BTLA: variants seen among roughly 807,000 people sequenced by gnomAD.
BTLA encodes the protein B and T lymphocyte associated.
Under a neutral mutation model 25.0 loss-of-function variants are expected in BTLA, and 11 were observed. That is an observed-to-expected ratio of 0.44 (90% CI 0.28 to 0.73). BTLA has a LOEUF of 0.73. BTLA is among the 30% of genes least tolerant of loss of function. The probability of loss-of-function intolerance (pLI) is 0.15; values close to 1 mark genes in which losing one functional copy is unlikely to be tolerated. For synonymous variants in BTLA, 104 were observed against 119.8 expected (o/e 0.87, Z 0.86); for missense variants, 282 against 332.8 (o/e 0.85, Z 1.19).
At chr3:112,499,513 G>A (rs2082430680), upstream of BTLA, 2 of 570,908 alleles carry the variant, frequency 3.5e-6, no homozygotes, top group Non-Finnish European at 6.1e-6. Flanking sequence ...TAAGAGAGGA[G>A]AGTAGGAAGA....
intron 2 of BTLA, among the ~76,000 whole-genome samples, chr3:112,474,193 T>C (rs987462334): frequency 6.6e-6 from 1 of 152,174 alleles, no homozygotes; most frequent in African/African-American, 2.4e-5. Flanking sequence ...ATGTCCAAAA[T>C]CACTTCGGAA....
rs144006866 is a variant in BTLA, at chr3:112,467,320, A to G, written c.595-937T>C. Among the ~76,000 whole-genome samples the G allele has an allele frequency of 4.6e-5, 7 of 152,316 alleles. No individual in the cohort carries two copies. In the East Asian group the frequency reaches 1.3e-3, roughly 29 times the overall value. On this transcript the variant is annotated intron_variant, in intron 4 of 4. Transcript: ENST00000334529. ...CTTAGAGCTTCTAAGAAAGAGGTGA[A>G]TTTGTAAAAACAAAAAGTAAAATTA...
At chr3:112,471,083 GA>G in intron 3 of BTLA, 128 bp downstream of exon 3, 1 of 1,236,082 alleles carries the variant, frequency 8.1e-7, no homozygotes, top group Non-Finnish European at 1.1e-6. Context: ...TGTCTTCTAG[GA>G]AATCATTATC....
intron 1 of BTLA, among the ~76,000 whole-genome samples, chr3:112,481,243 G>A (rs1240919509): frequency 6.6e-6 from 1 of 152,192 alleles, no homozygotes; most frequent in Non-Finnish European, 1.5e-5. Context: ...GGGTCTCAGT[G>A]GCAGTCCACT....
At chr3:112,496,556 A>G (rs1368138210) in intron 1 of BTLA, among the ~76,000 whole-genome samples, 1 of 152,222 alleles carries the variant, frequency 6.6e-6, no homozygotes, top group Non-Finnish European at 1.5e-5. Flanking sequence ...TACTGTAAAG[A>G]ACTCAGCAAT....
At chr3:112,479,201 AT>A (rs763983243) in intron 2 of BTLA, among the ~76,000 whole-genome samples, 24 of 152,304 alleles carry the variant, frequency 1.6e-4, no homozygotes, top group Admixed American at 1.2e-3. Context: ...TATCAAATAA[AT>A]TTTATAATCC....
intron 1 of BTLA, among the ~76,000 whole-genome samples, chr3:112,492,463 G>A (rs1359654682): frequency 6.6e-6 from 1 of 152,216 alleles, no homozygotes; most frequent in Non-Finnish European, 1.5e-5. Context: ...CATTTGATCA[G>A]AAACCAACAT....
chr3:112,479,212 C>T (rs763910239), intron 2 of BTLA, among the ~76,000 whole-genome samples: 49 of 151,834 alleles, frequency 3.2e-4, no homozygotes, highest in Non-Finnish European at 4.6e-4. Flanking sequence ...TTTTATAATC[C>T]CTAAAGTCAA....
At chr3:112,478,495 A>G (rs960045874) in intron 2 of BTLA, among the ~76,000 whole-genome samples, 3 of 152,148 alleles carry the variant, frequency 2.0e-5, no homozygotes, top group African/African-American at 7.2e-5. Context: ...TGGAATTGCT[A>G]AATTCATGTA....
upstream of BTLA, chr3:112,499,524 G>T: frequency 1.8e-6 from 1 of 548,482 alleles, no homozygotes; most frequent in Non-Finnish European, 3.2e-6. Context: ...AGTAGGAAGA[G>T]CCTGGATGAT....
intron 1 of BTLA, among the ~76,000 whole-genome samples, chr3:112,481,707 C>T (rs1347623930): frequency 6.6e-6 from 1 of 152,236 alleles, no homozygotes; most frequent in Non-Finnish European, 1.5e-5. Context: ...TAACAATGGT[C>T]ACTAGGCCAC....
intron 2 of BTLA, among the ~76,000 whole-genome samples, chr3:112,474,129 A>C (rs2082277210): frequency 6.6e-6 from 1 of 152,196 alleles, no homozygotes. Flanking sequence ...TTCTTACATG[A>C]ACTTTTAACT....
At position 112,485,043 on chromosome 3, in the gene BTLA, T is replaced by A. The variant is rs539200013; in HGVS notation, c.89-5274A>T. On this transcript the variant is annotated intron_variant, in intron 1 of 4. Coordinates refer to ENST00000334529, the MANE Select transcript of BTLA (RefSeq NM_181780.4). ...ACAAATAGCACAATTCTATTTTTTT[T>A]AATTAATTTATTTTTTTTGAGATGA... 1.4e-4 allele frequency among the ~76,000 whole-genome samples: 22 copies of A among 152,260 alleles called. No homozygotes were observed. In the South Asian group the frequency reaches 3.1e-3, roughly 22 times the overall value.
At chr3:112,477,584 T>C (rs2633562) in intron 2 of BTLA, among the ~76,000 whole-genome samples, 23,010 of 152,010 alleles carry the variant, frequency 0.15, 3,646 homozygotes, top group African/African-American at 0.39. Flanking sequence ...TGCACAGAAG[T>C]GTTTAATTTT....
intron 1 of BTLA, among the ~76,000 whole-genome samples, chr3:112,492,532 G>C (rs1048564754): frequency 3.0e-4 from 46 of 152,294 alleles, no homozygotes; most frequent in African/African-American, 9.4e-4. Flanking sequence ...TTCAGATTAA[G>C]TGTGGCTTAT....
At position 112,466,169 on chromosome 3, in the gene BTLA, C is replaced by T. The variant is rs138132778; in HGVS notation, c.809G>A (p.Arg270Lys). Reference sequence around the variant, plus strand: ...TGCTTCTTTTACATTTCTTGCCAGTCTTGAGTTCGGTCCAATGACAGAATG... The same window carrying T: ...TGCTTCTTTTACATTTCTTGCCAGTTTTGAGTTCGGTCCAATGACAGAATG... Reference protein sequence around the residue: ...LNHSVIGPNSRLARNVKEAPT... With the variant: ...LNHSVIGPNSKLARNVKEAPT... The change falls in exon 5 of 5, where the codon AGA (arginine) becomes AAA (lysine). Residue 270 changes from arginine (R) to lysine (K), a missense_variant. Coordinates refer to ENST00000334529, the MANE Select transcript of BTLA (RefSeq NM_181780.4). 19 of 1,612,622 alleles carry T rather than the reference C, an allele frequency of 1.2e-5. No individual in the cohort carries two copies. The highest frequency in any genetic ancestry group is 1.4e-5 in the Non-Finnish European group (17 of 1,178,910).
At chr3:112,490,191 A>G (rs1291209795) in intron 1 of BTLA, among the ~76,000 whole-genome samples, 3 of 152,198 alleles carry the variant, frequency 2.0e-5, no homozygotes, top group Non-Finnish European at 4.4e-5. Flanking sequence ...CATTTAATGT[A>G]TTATGTAATG....
chr3:112,467,027 G>A (rs1190271753), intron 4 of BTLA, among the ~76,000 whole-genome samples: 3 of 150,874 alleles, frequency 2.0e-5, no homozygotes, highest in Non-Finnish European at 1.5e-5. Flanking sequence ...GTGCGATCTC[G>A]GCTCACCGCA....
In BTLA at chr3:112,469,759, A is replaced by G. The variant is rs780011234; in HGVS notation, c.593T>C (p.Leu198Pro). Residue 198 changes from leucine to proline, a missense_variant and splice_region_variant, in exon 4 of 5, where the codon CTG becomes CCG. Leu to Pro is a moderately conservative substitution (Grantham distance 98). Transcript: ENST00000334529. ...TTTCAACAGCTACATCAAGCTTACC[A>G]GGTTAATTTCCCTTCCTGCTGTGTC... ...LSDTAGREIN[L>P]VDAHLKSEQT... The G allele has an allele frequency of 6.2e-7, 1 of 1,610,826 alleles. No individual in the cohort carries two copies. The highest frequency in any genetic ancestry group is 8.5e-7 in the Non-Finnish European group (1 of 1,178,790).
Sources: allele counts gnomAD v4.1 joint callset (sites outside exome capture counted in the v4.1 genomes callset), GRCh38; gene constraint gnomAD v4.1.1; transcripts MANE v1.5; gene names NCBI Gene and HGNC (gene_info 2026-07-23, HGNC 2026-07-21).